The following FCHO2 variants were observed in gnomAD, a reference collection of about 807,000 sequenced individuals.
The protein encoded by FCHO2 is FCH and mu domain containing endocytic adaptor 2.
Under a neutral mutation model 114.1 loss-of-function variants are expected in FCHO2, and 43 were observed. That is an observed-to-expected ratio of 0.38 (90% CI 0.30 to 0.49). The LOEUF is 0.49. Ranked by LOEUF, FCHO2 falls within the 20% of genes least tolerant of loss-of-function variation. FCHO2 has a pLI of 0.97. For missense variants in FCHO2, 807 were observed against 950.4 expected (o/e 0.85, Z 1.98); for synonymous variants, 293 against 315.2 (o/e 0.93, Z 0.75).
chr5:73,006,531 A>G lies in FCHO2; in HGVS notation c.582A>G (p.Lys194=), dbSNP rs1754730101. ...TAGCAAAAGCTGATTTCGAACAGAA[A>G]ATGACAGAAACAGCTCAGGTTGGTA... ...YALAKADFEQ[K]MTETAQKFQD... The change falls in exon 6 of 26, where the codon AAA becomes AAG. Residue 194 remains lysine, a synonymous_variant. Coordinates refer to ENST00000430046, the MANE Select transcript of FCHO2 (RefSeq NM_138782.3). 3 of 1,566,092 alleles carry G rather than the reference A, an allele frequency of 1.9e-6. No homozygotes were observed. Among genetic ancestry groups the G allele is most frequent in the Non-Finnish European group, 2.6e-6 (3 of 1,159,666 alleles).
intron 18 of FCHO2, among the ~76,000 whole-genome samples, chr5:73,068,067 A>G (rs1561491005): frequency 6.6e-6 from 1 of 152,094 alleles, no homozygotes; most frequent in Non-Finnish European, 1.5e-5. Flanking sequence ...GTAAACACCA[A>G]AAGTGTAAAG....
At chr5:73,046,667 C>A (rs1216767346) in intron 11 of FCHO2, among the ~76,000 whole-genome samples, 1 of 152,056 alleles carries the variant, frequency 6.6e-6, no homozygotes, top group Non-Finnish European at 1.5e-5. Flanking sequence ...AGCAAAGTTT[C>A]CTTATTTTTA....
At position 73,041,103 on chromosome 5, in the gene FCHO2, T is replaced by A. The variant is rs1756781694; in HGVS notation, c.915-188T>A. On this transcript the variant is annotated intron_variant, in intron 10 of 25. Coordinates refer to ENST00000430046, the MANE Select transcript of FCHO2 (RefSeq NM_138782.3). ...TTTTTATTTTGTCAGGTGGTATGGG[T>A]ATAAGAATGCCTTTTTTGAATTTTA... Among the ~76,000 whole-genome samples, 4 of 152,144 alleles carry A rather than the reference T, an allele frequency of 2.6e-5. No homozygotes were observed. The South Asian group carries it at 8.3e-4, about 31-fold the overall frequency.
Position 72,983,133 on chromosome 5 carries a change from C to T in FCHO2, c.126-6294C>T, listed in dbSNP as rs576842177. Among the ~76,000 whole-genome samples, 14 of 152,182 alleles carry T rather than the reference C, an allele frequency of 9.2e-5. No homozygotes were observed. In the South Asian group the frequency reaches 2.1e-3, roughly 23 times the overall value. Reference sequence around the variant, plus strand: ...TTCATCATGTTATCCAGGATGGTCTCGATCTCTTGACCTCAGGTGATCGGC... The same window carrying T: ...TTCATCATGTTATCCAGGATGGTCTTGATCTCTTGACCTCAGGTGATCGGC... On this transcript the variant is annotated intron_variant, in intron 2 of 25. Transcript: ENST00000430046.
intron 2 of FCHO2, among the ~76,000 whole-genome samples, chr5:72,979,170 A>C (rs1186746489): frequency 6.6e-6 from 1 of 152,064 alleles, no homozygotes; most frequent in Non-Finnish European, 1.5e-5. Flanking sequence ...TGTTTGGAAT[A>C]GTTTCAGAAT....
chr5:72,959,461 T>C (rs1184493063), intron 1 of FCHO2, among the ~76,000 whole-genome samples: 1 of 152,044 alleles, frequency 6.6e-6, no homozygotes, highest in East Asian at 1.9e-4. Context: ...TAGGTTATGA[T>C]TGGTCACTGT....
At position 73,083,433 on chromosome 5, in the gene FCHO2, C is replaced by T. The variant is rs1196187336; in HGVS notation, c.2245+608C>T. Among the ~76,000 whole-genome samples the T allele has an allele frequency of 2.6e-5, 4 of 152,154 alleles. No individual in the cohort carries two copies. In the South Asian group the frequency reaches 6.2e-4, roughly 24 times the overall value. On this transcript the variant is annotated intron_variant, in intron 24 of 25. Coordinates refer to ENST00000430046, the MANE Select transcript of FCHO2 (RefSeq NM_138782.3). ...TGTAAATACTTCTTATATTTACATG[C>T]TAACATTAAGAAACTATACCTAGTA...
At chr5:73,037,320 G>C (rs1385201041) in intron 10 of FCHO2, 105 bp downstream of exon 10, 12 of 733,506 alleles carry the variant, frequency 1.6e-5, no homozygotes, top group Non-Finnish European at 2.5e-5. Context: ...TAACTCAAAA[G>C]TATATGTGTA....
chr5:73,033,614 G>A (rs529565611), intron 8 of FCHO2, among the ~76,000 whole-genome samples: 1 of 151,990 alleles, frequency 6.6e-6, no homozygotes, highest in African/African-American at 2.4e-5. Flanking sequence ...TCTTCATATA[G>A]CAAGTTATAC....
chr5:73,085,338 G>A (rs1206626452), intron 24 of FCHO2, among the ~76,000 whole-genome samples: 1 of 152,106 alleles, frequency 6.6e-6, no homozygotes, highest in Non-Finnish European at 1.5e-5. Context: ...CAGAGACTCC[G>A]TCTCAAAAAA....
intron 8 of FCHO2, among the ~76,000 whole-genome samples, chr5:73,018,449 A>C (rs996737680): frequency 2.0e-5 from 3 of 152,136 alleles, no homozygotes; most frequent in African/African-American, 7.2e-5. Flanking sequence ...TGACAGAATG[A>C]AAGTGGGATT....
intron 6 of FCHO2, among the ~76,000 whole-genome samples, chr5:73,014,249 T>G (rs1755175080): frequency 6.6e-6 from 1 of 151,990 alleles, no homozygotes; most frequent in African/African-American, 2.4e-5. Context: ...CCATCTCTTT[T>G]GGGGATTGTA....
intron 17 of FCHO2, among the ~76,000 whole-genome samples, chr5:73,062,085 A>G (rs777925758): frequency 8.6e-5 from 13 of 151,994 alleles, no homozygotes; most frequent in Admixed American, 2.6e-4. Context: ...AGGTCAATTT[A>G]TATTTCTTGA....
chr5:73,048,403 CCACTG>C (rs775420520), intron 11 of FCHO2, among the ~76,000 whole-genome samples: 8 of 151,970 alleles, frequency 5.3e-5, no homozygotes, highest in Non-Finnish European at 1.0e-4. Context: ...TGAGATTGGG[CCACTG>C]CACTCCAGCC....
chr5:73,008,899 A>G (rs576933923), intron 6 of FCHO2, among the ~76,000 whole-genome samples: 1 of 152,356 alleles, frequency 6.6e-6, no homozygotes, highest in Admixed American at 6.5e-5. Context: ...CAAGGGAAGA[A>G]AAGGAATTCC....
chr5:73,082,341 C>T (rs984879056), intron 23 of FCHO2, among the ~76,000 whole-genome samples: 1 of 149,536 alleles, frequency 6.7e-6, no homozygotes, highest in African/African-American at 2.5e-5. Context: ...GGAACAGGAA[C>T]ACCTATCTAA....
intron 19 of FCHO2, among the ~76,000 whole-genome samples, chr5:73,069,443 T>G (rs1742524130): frequency 6.6e-6 from 1 of 152,036 alleles, no homozygotes; most frequent in African/African-American, 2.4e-5. Flanking sequence ...AACTAGTCAG[T>G]CCCATCTGGG....
At chr5:72,996,111 C>T (rs556713147) in intron 5 of FCHO2, among the ~76,000 whole-genome samples, 3 of 151,986 alleles carry the variant, frequency 2.0e-5, no homozygotes, top group East Asian at 1.9e-4. Context: ...GGCGTGGTAG[C>T]GGGCGCTTGT....
intron 1 of FCHO2, among the ~76,000 whole-genome samples, chr5:72,956,492 G>T (rs1221664807): frequency 6.6e-6 from 1 of 151,866 alleles, no homozygotes; most frequent in Non-Finnish European, 1.5e-5. Context: ...CGAAGGACGG[G>T]CCCGCGGCAC....
Sources: gnomAD v4.1 joint callset for allele counts (sites outside exome capture counted in the v4.1 genomes callset) on GRCh38, gnomAD v4.1.1 for gene constraint, MANE v1.5 for transcripts, NCBI Gene and HGNC (gene_info 2026-07-23, HGNC 2026-07-21) for gene names.